RASEF: variants seen among roughly 807,000 people sequenced by gnomAD.
RASEF encodes RAS and EF-hand domain containing.
A neutral mutation model predicts 90.1 loss-of-function variants in RASEF; 68 were observed. That is an observed-to-expected ratio of 0.75 (90% CI 0.62 to 0.92). The LOEUF (loss-of-function observed/expected upper bound fraction) is 0.92, where lower values mean the gene tolerates loss of function less well. RASEF is among the 40% of genes least tolerant of loss of function. The pLI is 0.00. For synonymous variants in RASEF, 331 were observed against 345.2 expected, an observed-to-expected ratio of 0.96 and a Z score of 0.46; for missense variants, 949 against 937.2, an observed-to-expected ratio of 1.01 and a Z score of -0.16.
At chr9:83,198,574 A>G in the RASEF span, among the ~76,000 whole-genome samples, 1 of 152,190 alleles carries the variant, frequency 6.6e-6, no homozygotes, top group Non-Finnish European at 1.5e-5. Flanking sequence ...AAGCCAATCA[A>G]TGAGAGGACA....
the RASEF span, among the ~76,000 whole-genome samples, chr9:83,213,924 A>C: frequency 1.3e-5 from 2 of 152,214 alleles, no homozygotes; most frequent in African/African-American, 4.8e-5. Context: ...AGCACATTAA[A>C]AATACATGGA....
intron 2 of RASEF, among the ~76,000 whole-genome samples, chr9:83,024,037 T>G (rs1324231953): frequency 3.9e-5 from 6 of 152,196 alleles, no homozygotes; most frequent in Non-Finnish European, 8.8e-5. Flanking sequence ...TCAGGTGCAG[T>G]GCAGAACAAA....
In RASEF at chr9:83,046,795, A is replaced by G. The variant is rs564549977; in HGVS notation, c.431+15642T>C. 1.1e-3 allele frequency among the ~76,000 whole-genome samples: 162 copies of G among 152,184 alleles called. 1 individual carries two copies. The highest frequency in any genetic ancestry group is 2.0e-3 in the Non-Finnish European group (137 of 68,034). ...GATCACCATGCTAGGCAGATGGGCAACAAATCAGGAAATGCTGCCTAAACC... is the reference window on the plus strand; with the variant it reads ...GATCACCATGCTAGGCAGATGGGCAGCAAATCAGGAAATGCTGCCTAAACC... On this transcript the variant is annotated intron_variant, in intron 1 of 16. Coordinates refer to ENST00000376447, the MANE Select transcript of RASEF (RefSeq NM_152573.4).
the RASEF span, among the ~76,000 whole-genome samples, chr9:83,087,941 T>C: frequency 6.6e-6 from 1 of 152,176 alleles, no homozygotes; most frequent in Non-Finnish European, 1.5e-5. Flanking sequence ...TGGTAAGTTG[T>C]ATTTTTATTT....
chr9:83,113,596 A>G, the RASEF span, among the ~76,000 whole-genome samples: 933 of 152,290 alleles, frequency 6.1e-3, 9 homozygotes, highest in African/African-American at 0.021. Flanking sequence ...GCAAGGAATA[A>G]CCCTGGGGAA....
intron 3 of RASEF, among the ~76,000 whole-genome samples, chr9:83,018,938 GT>G (rs1009740549): frequency 2.0e-5 from 3 of 152,168 alleles, no homozygotes; most frequent in Non-Finnish European, 4.4e-5. Flanking sequence ...TAATAAAGGT[GT>G]GGGAACAATT....
At chr9:83,118,565 G>T in the RASEF span, among the ~76,000 whole-genome samples, 1 of 151,956 alleles carries the variant, frequency 6.6e-6, no homozygotes, top group Non-Finnish European at 1.5e-5. Flanking sequence ...GGTTTTAGTT[G>T]TATCCATATG....
chr9:83,163,406 A>G, the RASEF span, among the ~76,000 whole-genome samples: 1 of 152,228 alleles, frequency 6.6e-6, no homozygotes, highest in South Asian at 2.1e-4. Flanking sequence ...CAGAAATGGC[A>G]GGGATGTAGG....
the RASEF span, among the ~76,000 whole-genome samples, chr9:83,206,494 A>G: frequency 6.6e-6 from 1 of 152,246 alleles, no homozygotes; most frequent in Non-Finnish European, 1.5e-5. Context: ...AGATCCAATC[A>G]GAAAAATGCT....
At chr9:83,145,782 A>T in the RASEF span, among the ~76,000 whole-genome samples, 1 of 152,244 alleles carries the variant, frequency 6.6e-6, no homozygotes, top group South Asian at 2.1e-4. Context: ...TACCAAATAA[A>T]AATTATAACA....
At chr9:83,102,224 C>A in the RASEF span, among the ~76,000 whole-genome samples, 316 of 152,230 alleles carry the variant, frequency 2.1e-3, 1 homozygote, top group African/African-American at 7.1e-3. Context: ...TTATAGGCGC[C>A]CGCCACCACG....
the RASEF span, among the ~76,000 whole-genome samples, chr9:83,134,410 G>GCA: frequency 0.1 from 13,832 of 138,618 alleles, 657 homozygotes; most frequent in African/African-American, 0.12. Flanking sequence ...TCACAATAGC[G>GCA]CACACACACA....
intron 3 of RASEF, among the ~76,000 whole-genome samples, chr9:83,021,054 T>C (rs1489789348): frequency 1.3e-5 from 2 of 152,154 alleles, no homozygotes; most frequent in Admixed American, 1.3e-4. Context: ...CCCCAGGGCA[T>C]ATATGTGGTA....
the RASEF span, among the ~76,000 whole-genome samples, chr9:83,126,071 C>A: frequency 6.6e-6 from 1 of 152,158 alleles, no homozygotes; most frequent in African/African-American, 2.4e-5. Flanking sequence ...AGGCACATTA[C>A]TTAGCATTCA....
chr9:83,007,884 G>C (rs986213832), intron 6 of RASEF, among the ~76,000 whole-genome samples: 4 of 152,110 alleles, frequency 2.6e-5, no homozygotes, highest in African/African-American at 9.7e-5. Context: ...CTCAGAAACT[G>C]TGCCTTCAAT....
At chr9:83,215,158 C>T in the RASEF span, among the ~76,000 whole-genome samples, 1 of 151,822 alleles carries the variant, frequency 6.6e-6, no homozygotes, top group Non-Finnish European at 1.5e-5. Flanking sequence ...AGGGGAAGAT[C>T]ATCTTCCCAT....
chr9:83,085,751 C>A, the RASEF span, among the ~76,000 whole-genome samples: 1 of 151,952 alleles, frequency 6.6e-6, no homozygotes, highest in Non-Finnish European at 1.5e-5. Flanking sequence ...ATAGTGAAAT[C>A]CCATCTGTAC....
the RASEF span, among the ~76,000 whole-genome samples, chr9:83,069,816 G>T: frequency 6.6e-6 from 1 of 152,160 alleles, no homozygotes; most frequent in Non-Finnish European, 1.5e-5. Context: ...CCACATTCTT[G>T]TCAACCCTTG....
intron 1 of RASEF, among the ~76,000 whole-genome samples, chr9:83,057,830 C>A (rs1439106896): frequency 2.6e-5 from 3 of 116,848 alleles, no homozygotes; most frequent in Non-Finnish European, 5.1e-5. Context: ...TTCATATATA[C>A]ATATATTCAT....
Sources: gnomAD v4.1 joint callset for allele counts (sites outside exome capture counted in the v4.1 genomes callset) on GRCh38, gnomAD v4.1.1 for gene constraint, MANE v1.5 for transcripts, NCBI Gene and HGNC (gene_info 2026-07-23, HGNC 2026-07-21) for gene names.